Variants in SRGAP1 observed in about 807,000 individuals in gnomAD.
The protein encoded by SRGAP1 is SLIT-ROBO Rho GTPase-activating protein 1.
In SRGAP1, 43 loss-of-function variants were observed where a neutral mutation model predicts 121.9. The observed-to-expected ratio is 0.35, with a 90% CI of 0.28 to 0.46. The LOEUF is 0.46. SRGAP1 is among the 20% of genes least tolerant of loss of function. SRGAP1 has a pLI of 1.00. For missense variants in SRGAP1, 1,102 were observed against 1,350.9 expected, an observed-to-expected ratio of 0.82 and a Z score of 2.89; for synonymous variants, 447 against 485.4, an observed-to-expected ratio of 0.92 and a Z score of 1.04.
intron 8 of SRGAP1, among the ~76,000 whole-genome samples, chr12:64,072,667 C>G (rs1388441120): frequency 6.6e-6 from 1 of 152,124 alleles, no homozygotes; most frequent in East Asian, 1.9e-4. Flanking sequence ...AAGAACCAAC[C>G]CTGCAAACCA....
chr12:63,957,096 A>G (rs1178130467), intron 1 of SRGAP1, among the ~76,000 whole-genome samples: 2 of 152,198 alleles, frequency 1.3e-5, no homozygotes, highest in Non-Finnish European at 2.9e-5. Context: ...GGATACACAC[A>G]TTTCATTTAT....
chr12:64,057,042 TG>T (rs1312598592), intron 6 of SRGAP1, among the ~76,000 whole-genome samples: 1 of 152,186 alleles, frequency 6.6e-6, no homozygotes, highest in Non-Finnish European at 1.5e-5. Flanking sequence ...GATTTTAGCC[TG>T]GGAAAAATGA....
chr12:64,119,837 C>T lies in SRGAP1; in HGVS notation c.2224+3944C>T, dbSNP rs1274037977. Among the ~76,000 whole-genome samples, 4 of 133,804 alleles carry T rather than the reference C, an allele frequency of 3.0e-5. No homozygotes were observed. In the East Asian group the frequency reaches 9.3e-4, roughly 31 times the overall value. The allele number at this position is 133,804 out of a possible 152,430, so 87.8% of individuals were successfully genotyped here. A position where few individuals can be genotyped will look rare whatever the true frequency, so the allele number is the denominator to read the frequency against. The stretch of plus-strand genomic sequence containing the variant: ...CCAGGCTGGAGTGCAATGGTACAAT[C>T]TCAGCTCACAGCAAACTCCGCCTCC... On this transcript the variant is annotated intron_variant, in intron 18 of 21. Coordinates refer to ENST00000355086, the MANE Select transcript of SRGAP1 (RefSeq NM_020762.4).
At chr12:64,082,273 A>G (rs1391356293) in intron 10 of SRGAP1, among the ~76,000 whole-genome samples, 1 of 151,852 alleles carries the variant, frequency 6.6e-6, no homozygotes, top group East Asian at 1.9e-4. Flanking sequence ...TACCTATTCA[A>G]CATGGATTCT....
chr12:63,974,970 C>T (rs1380328406), intron 1 of SRGAP1, among the ~76,000 whole-genome samples: 1 of 152,210 alleles, frequency 6.6e-6, no homozygotes, highest in East Asian at 1.9e-4. Flanking sequence ...CCCCAAGTGG[C>T]CAGTGATCTT....
Position 64,145,975 on chromosome 12 carries a change from G to A in SRGAP1, c.*3303G>A, listed in dbSNP as rs1328859014. Reference sequence around the variant, plus strand: ...GACACAAGAATATGTATTCTCAGCTGATATAACTGTGTGTTCACATCCCAT... The same window carrying A: ...GACACAAGAATATGTATTCTCAGCTAATATAACTGTGTGTTCACATCCCAT... On this transcript the variant is annotated 3_prime_UTR_variant, in exon 22 of 22. Coordinates refer to ENST00000355086, the MANE Select transcript of SRGAP1 (RefSeq NM_020762.4). 1.3e-5 allele frequency: 2 copies of A among 152,154 alleles called. No homozygotes were observed. The highest frequency in any genetic ancestry group is 4.8e-5 in the African/African-American group (2 of 41,406). The allele number at this position is 152,154 out of a possible 1,614,324, so 9.4% of individuals were successfully genotyped here. A position where few individuals can be genotyped will look rare whatever the true frequency, so the allele number is the denominator to read the frequency against.
intron 19 of SRGAP1, among the ~76,000 whole-genome samples, chr12:64,126,845 T>C (rs1420384871): frequency 6.6e-6 from 1 of 152,138 alleles, no homozygotes; most frequent in East Asian, 1.9e-4. Flanking sequence ...ATAAATATAT[T>C]CATATATAAA....
intron 1 of SRGAP1, among the ~76,000 whole-genome samples, chr12:63,969,589 T>C (rs1324490838): frequency 2.0e-5 from 3 of 151,854 alleles, no homozygotes; most frequent in Non-Finnish European, 2.9e-5. Flanking sequence ...GTCAGGAGAT[T>C]GAGACCATCC....
At chr12:64,047,988 C>T (rs1486468057) in intron 6 of SRGAP1, among the ~76,000 whole-genome samples, 1 of 152,048 alleles carries the variant, frequency 6.6e-6, no homozygotes, top group Admixed American at 6.6e-5. Context: ...TACAGACATT[C>T]CAATTATATG....
chr12:63,921,426 T>C (rs61933126), intron 1 of SRGAP1, among the ~76,000 whole-genome samples: 4,624 of 152,312 alleles, frequency 0.03, 111 homozygotes, highest in Middle Eastern at 0.068. Flanking sequence ...ATATCTCTAG[T>C]GCCATCTCTA....
intron 21 of SRGAP1, among the ~76,000 whole-genome samples, chr12:64,140,249 C>T (rs1392168813): frequency 8.8e-5 from 13 of 147,104 alleles, no homozygotes; most frequent in Non-Finnish European, 1.5e-4. Context: ...CCATATGAAC[C>T]TGAAAGTAGT....
intron 4 of SRGAP1, among the ~76,000 whole-genome samples, chr12:64,026,530 A>G (rs1386582887): frequency 6.6e-6 from 1 of 152,284 alleles, no homozygotes; most frequent in South Asian, 2.1e-4. Flanking sequence ...TGATCCTACC[A>G]TAGTTTGATA....
In SRGAP1 at chr12:64,155,508, C is replaced by T. The variant is rs1196895273; in HGVS notation, c.*12836C>T. The stretch of plus-strand genomic sequence containing the variant: ...GCAGTGAGCCAAGGTCACGCCACGG[C>T]ACTCCAGCTTGGGTGATAGAGTGGG... On this transcript the variant is annotated 3_prime_UTR_variant, in exon 22 of 22. Coordinates refer to ENST00000355086, the MANE Select transcript of SRGAP1 (RefSeq NM_020762.4). 6.6e-6 allele frequency: 1 copy of T among 151,496 alleles called. No individual in the cohort carries two copies. The highest frequency in any genetic ancestry group is 1.5e-5 in the Non-Finnish European group (1 of 67,964). 9.4% of individuals were successfully genotyped at this position (151,496 alleles called of 1,614,324 possible).
chr12:63,897,648 A>T (rs1199798321), intron 1 of SRGAP1, among the ~76,000 whole-genome samples: 2 of 152,214 alleles, frequency 1.3e-5, no homozygotes, highest in Non-Finnish European at 1.5e-5. Context: ...GTGTCTTAAA[A>T]TAGCATAATT....
intron 18 of SRGAP1, among the ~76,000 whole-genome samples, chr12:64,122,675 G>A (rs1192701856): frequency 3.3e-5 from 5 of 152,120 alleles, no homozygotes; most frequent in Non-Finnish European, 7.4e-5. Flanking sequence ...CGAGGTGGAC[G>A]GATCACAAGG....
intron 1 of SRGAP1, among the ~76,000 whole-genome samples, chr12:63,929,333 T>A (rs1337088194): frequency 6.6e-6 from 1 of 152,232 alleles, no homozygotes; most frequent in East Asian, 1.9e-4. Flanking sequence ...ATCTACCTTA[T>A]AAGGTCATTA....
chr12:63,972,562 T>C (rs544845781), intron 1 of SRGAP1, among the ~76,000 whole-genome samples: 3 of 152,344 alleles, frequency 2.0e-5, no homozygotes, highest in Admixed American at 2.0e-4. Flanking sequence ...AGTATACTTA[T>C]TGAAACAGAT....
intron 6 of SRGAP1, among the ~76,000 whole-genome samples, chr12:64,046,296 G>A (rs1369484738): frequency 6.6e-6 from 1 of 152,174 alleles, no homozygotes; most frequent in Non-Finnish European, 1.5e-5. Context: ...TATGTGTGAT[G>A]GGGAGCCATT....
At chr12:63,986,208 C>G (rs953127062) in intron 2 of SRGAP1, among the ~76,000 whole-genome samples, 6 of 151,068 alleles carry the variant, frequency 4.0e-5, no homozygotes, top group African/African-American at 7.3e-5. Flanking sequence ...TCTCTCCCCC[C>G]CGACACACAC....
Sources: allele counts gnomAD v4.1 joint callset (sites outside exome capture counted in the v4.1 genomes callset), GRCh38; gene constraint gnomAD v4.1.1; transcripts MANE v1.5; gene names NCBI Gene and HGNC (gene_info 2026-07-23, HGNC 2026-07-21).